Variants in UNC13C observed in about 807,000 individuals in gnomAD.
The protein encoded by UNC13C is unc-13 homolog C.
Under a neutral mutation model 245.4 loss-of-function variants are expected in UNC13C, and 174 were observed. That is an observed-to-expected ratio of 0.71 (90% CI 0.63 to 0.80). The LOEUF (loss-of-function observed/expected upper bound fraction) is 0.80. Ranked by LOEUF, UNC13C falls within the 30% of genes least tolerant of loss-of-function variation. The pLI is 0.00. For missense variants in UNC13C, 2,829 were observed against 2,602.9 expected (o/e 1.09, Z -1.89); for synonymous variants, 992 against 895.1 (o/e 1.11, Z -1.93).
At chr15:54,118,009 T>C (rs2030394520) in intron 2 of UNC13C, among the ~76,000 whole-genome samples, 2 of 152,180 alleles carry the variant, frequency 1.3e-5, no homozygotes, top group South Asian at 4.1e-4. Context: ...GGTCTGTGTG[T>C]CTGTTTTTAT....
chr15:54,182,695 TA>T (rs1235442465), intron 4 of UNC13C, among the ~76,000 whole-genome samples: 1 of 152,026 alleles, frequency 6.6e-6, no homozygotes, highest in Non-Finnish European at 1.5e-5. Context: ...AAATATCCTC[TA>T]AAAAACCCTG....
At chr15:54,044,941 A>G (rs994398163) in intron 2 of UNC13C, among the ~76,000 whole-genome samples, 2 of 151,834 alleles carry the variant, frequency 1.3e-5, no homozygotes, top group Admixed American at 6.6e-5. Flanking sequence ...TTTATTGTTG[A>G]ATTGTATGAT....
chr15:54,050,376 T>C (rs1316082914), intron 2 of UNC13C: 4 of 558,814 alleles, frequency 7.2e-6, no homozygotes, highest in East Asian at 9.1e-5. Context: ...ACTCCTCCTT[T>C]TTCTGTACTT....
At chr15:54,056,570 A>G (rs1897535644) in intron 2 of UNC13C, among the ~76,000 whole-genome samples, 1 of 152,194 alleles carries the variant, frequency 6.6e-6, no homozygotes, top group African/African-American at 2.4e-5. Flanking sequence ...CCCCAATCTA[A>G]CAAGGCAGGC....
intron 19 of UNC13C, among the ~76,000 whole-genome samples, chr15:54,474,088 T>G (rs866706397): frequency 6.6e-6 from 1 of 152,080 alleles, no homozygotes; most frequent in African/African-American, 2.4e-5. Flanking sequence ...TGAAAACTTA[T>G]CTTGGCTATT....
intron 2 of UNC13C, among the ~76,000 whole-genome samples, chr15:54,025,736 T>C (rs1896081823): frequency 6.6e-6 from 1 of 152,190 alleles, no homozygotes. Flanking sequence ...TACAAGCTAT[T>C]TTCCCAAATC....
chr15:54,217,279 T>C lies in UNC13C; in HGVS notation c.3072-17751T>C, dbSNP rs552004166. 2.5e-3 allele frequency among the ~76,000 whole-genome samples: 382 copies of C among 151,938 alleles called. 2 individuals carry two copies. Among genetic ancestry groups the C allele is most frequent in the African/African-American group, 8.9e-3 (371 of 41,460 alleles). Reference sequence around the variant, plus strand: ...AAATAACTGGGACTAGGATTGTGGATAAGGGCAAGGCAAGGAAGTAGCTCA... The same window carrying C: ...AAATAACTGGGACTAGGATTGTGGACAAGGGCAAGGCAAGGAAGTAGCTCA... On this transcript the variant is annotated intron_variant, in intron 4 of 32. Transcript: ENST00000260323.
intron 17 of UNC13C, among the ~76,000 whole-genome samples, chr15:54,368,950 A>G (rs754271855): frequency 5.9e-5 from 9 of 152,146 alleles, no homozygotes; most frequent in Non-Finnish European, 1.2e-4. Context: ...GGACATAACC[A>G]TGTTAAACAA....
At chr15:54,402,456 C>T (rs777686594) in intron 18 of UNC13C, among the ~76,000 whole-genome samples, 5 of 152,034 alleles carry the variant, frequency 3.3e-5, no homozygotes, top group Non-Finnish European at 7.4e-5. Context: ...ACCTCCCTGA[C>T]CACATATCAC....
chr15:54,539,915 G>A (rs1443294284), intron 26 of UNC13C, among the ~76,000 whole-genome samples: 1 of 152,004 alleles, frequency 6.6e-6, no homozygotes, highest in African/African-American at 2.4e-5. Context: ...GTCACCATAT[G>A]TGTCATATCT....
At chr15:54,214,899 C>A (rs1476142865) in intron 4 of UNC13C, among the ~76,000 whole-genome samples, 1 of 151,778 alleles carries the variant, frequency 6.6e-6, no homozygotes, top group African/African-American at 2.4e-5. Context: ...AAAGCTAACA[C>A]CCTAAATTGA....
intron 30 of UNC13C, among the ~76,000 whole-genome samples, chr15:54,617,393 G>A (rs543699405): frequency 3.3e-5 from 5 of 152,134 alleles, no homozygotes; most frequent in Non-Finnish European, 7.4e-5. Context: ...GGGAGAAGCT[G>A]TTCAATGAGC....
At chr15:54,393,708 A>T (rs2140918258) in intron 18 of UNC13C, among the ~76,000 whole-genome samples, 1 of 152,054 alleles carries the variant, frequency 6.6e-6, no homozygotes, top group East Asian at 1.9e-4. Context: ...ATTAAAATTC[A>T]TGACTATTCT....
intron 4 of UNC13C, among the ~76,000 whole-genome samples, chr15:54,146,340 C>T (rs1258353712): frequency 6.6e-6 from 1 of 152,158 alleles, no homozygotes; most frequent in African/African-American, 2.4e-5. Context: ...AGCCAAACGA[C>T]ATTCATCCTT....
chr15:53,993,784 A>C (rs1199232510), intron 1 of UNC13C, among the ~76,000 whole-genome samples: 4 of 152,156 alleles, frequency 2.6e-5, no homozygotes, highest in African/African-American at 9.6e-5. Flanking sequence ...TAGTCTCTCT[A>C]ATTTCCTACA....
In UNC13C at chr15:54,322,014, A is replaced by T; in HGVS notation, c.4344A>T (p.Ile1448=). 6.3e-7 allele frequency: 1 copy of T among 1,589,024 alleles called. No homozygotes were observed. Among genetic ancestry groups the T allele is most frequent in the Admixed American group, 1.8e-5 (1 of 56,644 alleles). Residue 1448 remains isoleucine (I), a synonymous_variant, in exon 14 of 33, where the codon ATA becomes ATT. Transcript: ENST00000260323. ...PAVMSTLLAN[I]NAFYAHTTVS... is the part of the protein sequence containing the mutation. The stretch of plus-strand genomic sequence containing the variant: ...TCATGAGCACCTTGCTGGCTAATAT[A>T]AATGCTTTTTATGCTCACACAACAG...
intron 17 of UNC13C, among the ~76,000 whole-genome samples, chr15:54,383,417 C>A (rs1295224687): frequency 6.6e-6 from 1 of 152,000 alleles, no homozygotes; most frequent in East Asian, 1.9e-4. Context: ...ATTATGTCAG[C>A]AGAAGGAAAG....
chr15:54,401,738 G>A (rs578089291), intron 18 of UNC13C, among the ~76,000 whole-genome samples: 5 of 152,048 alleles, frequency 3.3e-5, no homozygotes, highest in South Asian at 4.1e-4. Flanking sequence ...ATCTGTGGTC[G>A]TTCAACGCAC....
intron 2 of UNC13C, among the ~76,000 whole-genome samples, chr15:54,097,698 T>A (rs1899943663): frequency 6.6e-6 from 1 of 152,178 alleles, no homozygotes. Flanking sequence ...TAGTAATTCA[T>A]CCATTTGTTC....
Sources: gnomAD v4.1 joint callset for allele counts (sites outside exome capture counted in the v4.1 genomes callset) on GRCh38, gnomAD v4.1.1 for gene constraint, MANE v1.5 for transcripts, NCBI Gene and HGNC (gene_info 2026-07-23, HGNC 2026-07-21) for gene names.